PADI4: variants seen among roughly 807,000 people sequenced by gnomAD.
The protein encoded by PADI4 is protein-arginine deiminase type-4.
In PADI4, 62 loss-of-function variants were observed where a neutral mutation model predicts 75.0. That is an observed-to-expected ratio of 0.83 (90% confidence interval 0.67 to 1.02). PADI4 has a LOEUF of 1.02. Among genes scored for constraint, PADI4 ranks in the 50% least tolerant of loss-of-function variants. The pLI, the probability that PADI4 is intolerant of heterozygous loss-of-function variation, is 0.00. For synonymous variants in PADI4, 361 were observed against 348.1 expected (o/e 1.04, Z -0.41); for missense variants, 845 against 850.5 (o/e 0.99, Z 0.08).
chr1:17,363,781 C>T lies in PADI4; in HGVS notation c.*26C>T, dbSNP rs77757441. Reference sequence around the variant, plus strand: ...GCCCATCTTCCCTGGCGTCCTCTCCCTCCTGGCCAGATGTCGCTGGGTCCT... The same window carrying T: ...GCCCATCTTCCCTGGCGTCCTCTCCTTCCTGGCCAGATGTCGCTGGGTCCT... On this transcript the variant is annotated 3_prime_UTR_variant, in exon 16 of 16. Transcript: ENST00000375448. 3.9e-3 allele frequency: 5,997 copies of T among 1,529,302 alleles called. 194 individuals carry two copies. In the African/African-American group the frequency reaches 0.068, roughly 17 times the overall value. The allele number at this position is 1,529,302 out of a possible 1,614,324, so 94.7% of individuals were successfully genotyped here. A position where few individuals can be genotyped will look rare whatever the true frequency, so the allele number is the denominator to read the frequency against.
At chr1:17,361,898 G>A (rs1373096179) in intron 15 of PADI4, among the ~76,000 whole-genome samples, 2 of 152,214 alleles carry the variant, frequency 1.3e-5, no homozygotes, top group Non-Finnish European at 2.9e-5. Flanking sequence ...TGCCTACGAC[G>A]TGCAAGGCGC....
At chr1:17,318,154 T>G (rs748237362) in intron 1 of PADI4, among the ~76,000 whole-genome samples, 4 of 152,186 alleles carry the variant, frequency 2.6e-5, no homozygotes, top group Non-Finnish European at 5.9e-5. Flanking sequence ...AAGACCACAC[T>G]TTGGGAAGCA....
chr1:17,334,594 C>A (rs1477454942), intron 3 of PADI4: 3 of 456,046 alleles, frequency 6.6e-6, no homozygotes, highest in Non-Finnish European at 1.3e-5. Flanking sequence ...TGAACCACTG[C>A]GCCAGGCCCT....
chr1:17,353,496 G>A (rs932075946), intron 10 of PADI4, among the ~76,000 whole-genome samples: 4 of 152,074 alleles, frequency 2.6e-5, no homozygotes, highest in African/African-American at 7.2e-5. Context: ...ATAATTTGGC[G>A]TCTACTCTCA....
chr1:17,326,397 G>C lies in PADI4; in HGVS notation c.93-4572G>C, dbSNP rs1000878415. 5.9e-5 allele frequency among the ~76,000 whole-genome samples: 9 copies of C among 152,198 alleles called. No individual in the cohort carries two copies. In the East Asian group the frequency reaches 1.3e-3, roughly 23 times the overall value. ...CATCTCCCCAAAAGTTTTGAAAATA[G>C]TATTTTAGTTATTGCTCAGTCCTAA... On this transcript the variant is annotated intron_variant, in intron 1 of 15. Transcript: ENST00000375448.
chr1:17,332,513 G>T (rs1177569476), intron 2 of PADI4, among the ~76,000 whole-genome samples: 2 of 152,156 alleles, frequency 1.3e-5, no homozygotes, highest in East Asian at 3.9e-4. Flanking sequence ...GCCTCCCAAA[G>T]TGCTGGGATT....
In PADI4 at chr1:17,334,003, G is replaced by A. The variant is rs780966400; in HGVS notation, c.334G>A (p.Gly112Arg). The part of the protein sequence containing the change: ...PPVKALLYLT[G>R]VEISLCADIT... ...AGTCAAAGCTCTACTCTACCTCACC[G>A]GGGTGGGTAAGTGACAACCAGGATC... Residue 112 changes from glycine (G) to arginine (R), a missense_variant, in exon 3 of 16, where the codon GGG becomes AGG. Coordinates refer to ENST00000375448, the MANE Select transcript of PADI4 (RefSeq NM_012387.3). The A allele has an allele frequency of 1.2e-5, 20 of 1,606,800 alleles. No homozygotes were observed. The Middle Eastern group carries it at 4.9e-4, about 40-fold the overall frequency.
At chr1:17,311,525 C>T (rs1253670834) in intron 1 of PADI4, among the ~76,000 whole-genome samples, 2 of 145,410 alleles carry the variant, frequency 1.4e-5, no homozygotes, top group Non-Finnish European at 3.0e-5. Flanking sequence ...TCTCCTTCTT[C>T]TTTTTTTTTT....
chr1:17,340,173 C>A (rs2074392392), intron 6 of PADI4, among the ~76,000 whole-genome samples: 2 of 152,118 alleles, frequency 1.3e-5, no homozygotes, highest in South Asian at 4.1e-4. Flanking sequence ...TCAGGAACTT[C>A]TCAGTGACCC....
intron 4 of PADI4, 129 bp from the exon 5 acceptor site, chr1:17,337,909 G>A (rs763921993): frequency 7.1e-5 from 26 of 367,192 alleles, no homozygotes; most frequent in African/African-American, 1.7e-4. Context: ...GGGAGACTCC[G>A]TCTCAAAAAA....
At chr1:17,345,902 G>A (rs1436566371) in intron 8 of PADI4, 126 bp from the exon 9 acceptor site, 4 of 623,812 alleles carry the variant, frequency 6.4e-6, no homozygotes, top group Non-Finnish European at 1.2e-5. Context: ...CAGATGGACC[G>A]GACGTGCCAG....
chr1:17,354,779 C>G (rs977307052), intron 11 of PADI4, 92 bp downstream of exon 11: 1 of 1,237,430 alleles, frequency 8.1e-7, no homozygotes, highest in Non-Finnish European at 1.1e-6. Context: ...TTCCTGCTTC[C>G]GATTCTAGAC....
intron 1 of PADI4, among the ~76,000 whole-genome samples, chr1:17,321,008 G>A (rs963605006): frequency 6.6e-6 from 1 of 152,186 alleles, no homozygotes; most frequent in Non-Finnish European, 1.5e-5. Flanking sequence ...TCTGTGTAAG[G>A]TAACATCTTC....
At chr1:17,313,894 G>C (rs1416495327) in intron 1 of PADI4, among the ~76,000 whole-genome samples, 1 of 152,216 alleles carries the variant, frequency 6.6e-6, no homozygotes. Context: ...CACACACCTG[G>C]TGTGAACCCC....
intron 10 of PADI4, among the ~76,000 whole-genome samples, chr1:17,352,265 G>T (rs1238811159): frequency 6.6e-6 from 1 of 150,982 alleles, no homozygotes; most frequent in African/African-American, 2.5e-5. Context: ...TCAAGGAGGT[G>T]ATGGGAGGAG....
chr1:17,331,029 T>C lies in PADI4; in HGVS notation c.153T>C (p.Asp51=), dbSNP rs1471587854. ...SINASPGVVV[D]IAHGPPAKKK... ...ACGCCTCCCCAGGGGTGGTCGTGGATATTGCCCACGGCCCTCCAGCCAAGA... is the reference window on the plus strand; with the variant it reads ...ACGCCTCCCCAGGGGTGGTCGTGGACATTGCCCACGGCCCTCCAGCCAAGA... The change falls in exon 2 of 16, where the codon GAT becomes GAC. Residue 51 remains aspartate (D), a synonymous_variant. Coordinates refer to ENST00000375448, the MANE Select transcript of PADI4 (RefSeq NM_012387.3). 6.2e-7 allele frequency: 1 copy of C among 1,608,184 alleles called. No homozygotes were observed. The highest frequency in any genetic ancestry group is 8.5e-7 in the Non-Finnish European group (1 of 1,177,388).
At position 17,331,108 on chromosome 1, in the gene PADI4, C is replaced by T. The variant is rs1453133329; in HGVS notation, c.232C>T (p.Leu78=). The part of the protein sequence containing the change: ...WPLDPGVEVT[L]TMKVASGSTG... The stretch of plus-strand genomic sequence containing the variant: ...CCTGGACCCTGGGGTAGAGGTGACC[C>T]TGACGATGAAAGTGGCCAGTGGTAG... The change falls in exon 2 of 16, where the codon CTG becomes TTG. Residue 78 remains leucine, a synonymous_variant. Coordinates refer to ENST00000375448, the MANE Select transcript of PADI4 (RefSeq NM_012387.3). The T allele has an allele frequency of 6.2e-7, 1 of 1,612,202 alleles. No homozygotes were observed. Among genetic ancestry groups the T allele is most frequent in the African/African-American group, 1.3e-5 (1 of 74,820 alleles).
In PADI4 at chr1:17,325,812, G is replaced by A. The variant is rs190584529; in HGVS notation, c.93-5157G>A. 6.2e-4 allele frequency among the ~76,000 whole-genome samples: 94 copies of A among 151,774 alleles called. 1 individual carries two copies. Among genetic ancestry groups the A allele is most frequent in the Non-Finnish European group, 1.1e-3 (75 of 67,948 alleles). ...CAACCTCTGCCTCCCAGGTTCAAACGATTCTCATGCCTCAGCCTCCCCAGT... is the reference window on the plus strand; with the variant it reads ...CAACCTCTGCCTCCCAGGTTCAAACAATTCTCATGCCTCAGCCTCCCCAGT... On this transcript the variant is annotated intron_variant, in intron 1 of 15. Coordinates refer to ENST00000375448, the MANE Select transcript of PADI4 (RefSeq NM_012387.3).
chr1:17,345,867 T>C (rs1248433801), intron 8 of PADI4, among the ~76,000 whole-genome samples, 161 bp from the exon 9 acceptor site: 1 of 152,176 alleles, frequency 6.6e-6, no homozygotes, highest in Non-Finnish European at 1.5e-5. Context: ...TTAGATGGAT[T>C]CCATGAGCTA....
Sources: allele counts gnomAD v4.1 joint callset (sites outside exome capture counted in the v4.1 genomes callset), GRCh38; gene constraint gnomAD v4.1.1; transcripts MANE v1.5; gene names NCBI Gene and HGNC (gene_info 2026-07-23, HGNC 2026-07-21).